The following BRINP3 variants were observed in gnomAD, a reference collection of about 807,000 sequenced individuals.
BRINP3 encodes BMP/retinoic acid-inducible neural-specific protein 3.
Under a neutral mutation model 71.0 loss-of-function variants are expected in BRINP3, and 19 were observed. The ratio of observed to expected loss-of-function variants is 0.27; its 90% confidence interval spans 0.19 to 0.39. The LOEUF (loss-of-function observed/expected upper bound fraction) is 0.39, where lower values mean the gene tolerates loss of function less well. Ranked by LOEUF, BRINP3 falls within the 10% of genes least tolerant of loss-of-function variation. BRINP3 has a pLI of 1.00. For synonymous variants in BRINP3, 380 were observed against 337.7 expected (o/e 1.13, Z -1.37); for missense variants, 959 against 940.8 (o/e 1.02, Z -0.25).
intron 2 of BRINP3, among the ~76,000 whole-genome samples, chr1:190,311,608 T>A (rs189704007): frequency 6.6e-6 from 1 of 151,676 alleles, no homozygotes; most frequent in East Asian, 1.9e-4. Context: ...CAACCAAAAA[T>A]ACTTATTTTA....
intron 6 of BRINP3, among the ~76,000 whole-genome samples, chr1:190,197,724 C>T (rs1010182582): frequency 4.6e-5 from 7 of 152,128 alleles, no homozygotes; most frequent in African/African-American, 1.7e-4. Context: ...GGGTACAGCC[C>T]TCCTTCTGGC....
chr1:190,349,033 A>C (rs79798418), intron 2 of BRINP3, among the ~76,000 whole-genome samples: 1 of 152,130 alleles, frequency 6.6e-6, no homozygotes, highest in African/African-American at 2.4e-5. Flanking sequence ...GTAGTAGCTG[A>C]GCTTATGGAA....
chr1:190,407,975 T>C (rs1672394988), intron 2 of BRINP3, among the ~76,000 whole-genome samples: 1 of 151,308 alleles, frequency 6.6e-6, no homozygotes, highest in Non-Finnish European at 1.5e-5. Flanking sequence ...CATGACGATG[T>C]ACTTTCTTTT....
At chr1:190,178,517 C>A (rs192437118) in intron 6 of BRINP3, among the ~76,000 whole-genome samples, 56 of 152,170 alleles carry the variant, frequency 3.7e-4, no homozygotes, top group Non-Finnish European at 6.6e-4. Context: ...TGTATAGGAT[C>A]TAGAAGAGTA....
chr1:190,310,099 T>G (rs1182982), intron 2 of BRINP3, among the ~76,000 whole-genome samples: 57,758 of 142,036 alleles, frequency 0.41, 12,418 homozygotes, highest in Admixed American at 0.49. Context: ...CTTTTGTGGT[T>G]GTTGTTTTTT....
At chr1:190,470,190 A>AT (rs1677037266) in intron 1 of BRINP3, among the ~76,000 whole-genome samples, 1 of 151,050 alleles carries the variant, frequency 6.6e-6, no homozygotes, top group African/African-American at 2.4e-5. Context: ...AGAAAAGTTA[A>AT]TAAAAAAAAG....
At chr1:190,373,845 A>G (rs1207525791) in intron 2 of BRINP3, among the ~76,000 whole-genome samples, 2 of 151,062 alleles carry the variant, frequency 1.3e-5, no homozygotes, top group Admixed American at 6.6e-5. Flanking sequence ...AAAAACTGTG[A>G]TTACTTTTGC....
chr1:190,376,227 T>C (rs1670174141), intron 2 of BRINP3, among the ~76,000 whole-genome samples: 1 of 151,986 alleles, frequency 6.6e-6, no homozygotes, highest in African/African-American at 2.4e-5. Flanking sequence ...CTGATTACCT[T>C]TGGGTGTTCT....
intron 7 of BRINP3, among the ~76,000 whole-genome samples, chr1:190,155,138 A>G (rs560572070): frequency 9.5e-4 from 145 of 152,174 alleles, no homozygotes; most frequent in African/African-American, 2.6e-3. Flanking sequence ...TTTCATATAT[A>G]AGTTGAAAGA....
chr1:190,282,248 C>CTT (rs11421241), intron 2 of BRINP3, among the ~76,000 whole-genome samples: 1 of 144,608 alleles, frequency 6.9e-6, no homozygotes, highest in African/African-American at 2.5e-5. Flanking sequence ...CAGTTTTCTT[C>CTT]TTTTTTTTTT....
At chr1:190,391,912 A>G (rs1671274172) in intron 2 of BRINP3, among the ~76,000 whole-genome samples, 2 of 151,764 alleles carry the variant, frequency 1.3e-5, no homozygotes, top group African/African-American at 2.4e-5. Flanking sequence ...ATTAGTTTGC[A>G]AAAGCCATCA....
intron 6 of BRINP3, among the ~76,000 whole-genome samples, chr1:190,195,881 T>C (rs1485360974): frequency 6.6e-6 from 1 of 152,104 alleles, no homozygotes; most frequent in East Asian, 1.9e-4. Context: ...CCACTTTCTT[T>C]CCACTCAATT....
chr1:190,203,926 C>G (rs1305767983), intron 6 of BRINP3, among the ~76,000 whole-genome samples: 1 of 149,488 alleles, frequency 6.7e-6, no homozygotes, highest in African/African-American at 2.4e-5. Flanking sequence ...TGAAAGAACA[C>G]CCAATCAGAA....
intron 2 of BRINP3, among the ~76,000 whole-genome samples, chr1:190,425,764 T>A (rs1673665106): frequency 6.6e-6 from 1 of 151,806 alleles, no homozygotes; most frequent in South Asian, 2.1e-4. Context: ...AGTATACTTG[T>A]TAGAATTATT....
chr1:190,347,350 C>T (rs747146772), intron 2 of BRINP3, among the ~76,000 whole-genome samples: 75 of 152,210 alleles, frequency 4.9e-4, no homozygotes, highest in Non-Finnish European at 8.5e-4. Context: ...CCATGTTGGC[C>T]AGGATGGTCT....
At chr1:190,300,681 C>A (rs191591075) in intron 2 of BRINP3, among the ~76,000 whole-genome samples, 20 of 151,816 alleles carry the variant, frequency 1.3e-4, no homozygotes, top group Middle Eastern at 3.4e-3. Flanking sequence ...ACACCTCACA[C>A]GGCCAGGTAG....
intron 6 of BRINP3, among the ~76,000 whole-genome samples, chr1:190,198,760 G>C (rs959701324): frequency 4.6e-5 from 7 of 152,024 alleles, no homozygotes; most frequent in African/African-American, 1.7e-4. Flanking sequence ...CAACATTTTG[G>C]TAAAAACAAA....
At chr1:190,423,214 C>A (rs1205196770) in intron 2 of BRINP3, among the ~76,000 whole-genome samples, 1 of 151,698 alleles carries the variant, frequency 6.6e-6, no homozygotes, top group African/African-American at 2.4e-5. Flanking sequence ...TCATTAAGGG[C>A]CCTATGACTC....
intron 2 of BRINP3, among the ~76,000 whole-genome samples, chr1:190,384,663 G>A (rs1248641876): frequency 1.3e-5 from 2 of 151,832 alleles, no homozygotes; most frequent in Non-Finnish European, 2.9e-5. Flanking sequence ...ACTCTGTGAA[G>A]CTAATACTGT....
Sources: gnomAD v4.1 joint callset for allele counts (sites outside exome capture counted in the v4.1 genomes callset) on GRCh38, gnomAD v4.1.1 for gene constraint, MANE v1.5 for transcripts, NCBI Gene and HGNC (gene_info 2026-07-23, HGNC 2026-07-21) for gene names.